The following DAB1 variants were observed in gnomAD, a reference collection of about 807,000 sequenced individuals.
DAB1 encodes disabled homolog 1.
A neutral mutation model predicts 64.6 loss-of-function variants in DAB1; 15 were observed. The ratio of observed to expected loss-of-function variants is 0.23; its 90% confidence interval spans 0.16 to 0.36. The LOEUF is 0.36. Among genes scored for constraint, DAB1 ranks in the 10% least tolerant of loss-of-function variants. The probability of loss-of-function intolerance (pLI) is 1.00; values close to 1 mark genes in which losing one functional copy is unlikely to be tolerated. For synonymous variants in DAB1, 235 were observed against 251.9 expected (o/e 0.93, Z 0.64); for missense variants, 596 against 706.7 (o/e 0.84, Z 1.78).
chr1:57,309,898 G>C (rs1473112622), intron 1 of DAB1, among the ~76,000 whole-genome samples: 1 of 152,170 alleles, frequency 6.6e-6, no homozygotes, highest in Non-Finnish European at 1.5e-5. Flanking sequence ...AGAAGGAGTT[G>C]GGCAAGGAGC....
At chr1:57,023,717 A>C in intron 10 of DAB1, 78 bp from the exon 11 acceptor site, 1 of 913,440 alleles carries the variant, frequency 1.1e-6, no homozygotes, top group South Asian at 1.4e-5. Flanking sequence ...CAGATGCAGG[A>C]ATTAAGGCGC....
chr1:58,375,834 C>G (rs996604143), intron 3 of DAB1, among the ~76,000 whole-genome samples: 24 of 146,204 alleles, frequency 1.6e-4, no homozygotes, highest in Non-Finnish European at 1.4e-4. Flanking sequence ...GGTTGGTAAA[C>G]TATTGATTAT....
At chr1:58,389,028 G>A (rs966481113) in intron 3 of DAB1, among the ~76,000 whole-genome samples, 4 of 152,228 alleles carry the variant, frequency 2.6e-5, no homozygotes, top group African/African-American at 9.6e-5. Context: ...GCTTTCAGTA[G>A]GGGCAGAGGA....
chr1:58,119,913 A>G (rs1017066394), intron 5 of DAB1, among the ~76,000 whole-genome samples: 4 of 152,202 alleles, frequency 2.6e-5, no homozygotes, highest in Non-Finnish European at 4.4e-5. Context: ...ACACAGAGCT[A>G]GCTGCTCCCC....
chr1:57,163,880 A>AGG (rs1455588035), intron 2 of DAB1, among the ~76,000 whole-genome samples: 36 of 152,286 alleles, frequency 2.4e-4, no homozygotes, highest in Non-Finnish European at 4.7e-4. Flanking sequence ...AGCCAAGAGA[A>AGG]CCTGGTGCCT....
chr1:57,790,872 T>A (rs35738462), intron 6 of DAB1, among the ~76,000 whole-genome samples: 10 of 151,928 alleles, frequency 6.6e-5, no homozygotes, highest in Admixed American at 2.0e-4. Flanking sequence ...GGTGCATTAC[T>A]ACACACACAC....
intron 1 of DAB1, among the ~76,000 whole-genome samples, chr1:57,421,902 C>CGGGGGGGGGGG (rs1309675216): frequency 8.5e-5 from 1 of 11,718 alleles, no homozygotes; most frequent in Non-Finnish European, 1.7e-4. Context: ...TGGGGGGTGG[C>CGGGGGGGGGGG]GGGGGGGGGG....
chr1:57,128,317 C>T (rs990100598), intron 4 of DAB1, among the ~76,000 whole-genome samples: 2 of 152,028 alleles, frequency 1.3e-5, no homozygotes, highest in African/African-American at 4.8e-5. Flanking sequence ...CATAGCTTTT[C>T]ACCTAGTCTT....
Position 58,129,201 on chromosome 1 carries a change from C to G in DAB1, n.387+21310G>C, listed in dbSNP as rs1369237941. On this transcript the variant is annotated intron_variant and non_coding_transcript_variant, in intron 5 of 20. Coordinates refer to the DAB1 transcript ENST00000485760. ...TTAGTCTTGGGAGACTGTATGTGTC[C>G]AGGAATTTATCCATTTCTTCTAGAT... Among the ~76,000 whole-genome samples the G allele has an allele frequency of 1.1e-4, 16 of 151,534 alleles. No homozygotes were observed. The East Asian group carries it at 2.8e-3, about 26-fold the overall frequency.
chr1:58,526,923 G>T (rs1243627680), intron 2 of DAB1, among the ~76,000 whole-genome samples: 1 of 152,100 alleles, frequency 6.6e-6, no homozygotes, highest in African/African-American at 2.4e-5. Context: ...ATTTCAATTT[G>T]TATGTTTCAT....
chr1:57,871,763 T>G (rs1643954192), intron 1 of DAB1, among the ~76,000 whole-genome samples: 1 of 152,222 alleles, frequency 6.6e-6, no homozygotes, highest in Admixed American at 6.5e-5. Context: ...AGAATCCTTC[T>G]GTGGTTTCCT....
intron 5 of DAB1, among the ~76,000 whole-genome samples, chr1:57,983,328 G>C (rs146995094): frequency 3.9e-5 from 6 of 152,162 alleles, no homozygotes; most frequent in African/African-American, 1.4e-4. Context: ...AACCAGAAAG[G>C]GTCTCTTCCC....
chr1:58,050,415 TG>T (rs1647564050), intron 5 of DAB1, among the ~76,000 whole-genome samples: 1 of 152,158 alleles, frequency 6.6e-6, no homozygotes, highest in Admixed American at 6.5e-5. Flanking sequence ...AGGTGAAATA[TG>T]ATGGGATTTT....
intron 7 of DAB1, among the ~76,000 whole-genome samples, chr1:57,525,311 C>A (rs890699059): frequency 3.3e-5 from 5 of 151,830 alleles, no homozygotes; most frequent in African/African-American, 1.2e-4. Context: ...GGAGTGAGAT[C>A]ATCAGAAACA....
intron 4 of DAB1, among the ~76,000 whole-genome samples, chr1:57,108,075 G>A (rs1445749672): frequency 6.6e-6 from 1 of 152,042 alleles, no homozygotes; most frequent in Non-Finnish European, 1.5e-5. Context: ...CTTTTTTCCT[G>A]TATCTTTCTG....
intron 7 of DAB1, among the ~76,000 whole-genome samples, chr1:57,635,831 C>T (rs1646045922): frequency 6.6e-6 from 1 of 151,828 alleles, no homozygotes; most frequent in African/African-American, 2.4e-5. Flanking sequence ...TGCGGTGGCT[C>T]ACGCCTGTAA....
intron 4 of DAB1, among the ~76,000 whole-genome samples, chr1:58,197,141 T>C (rs1488298447): frequency 2.0e-5 from 3 of 152,176 alleles, no homozygotes; most frequent in Admixed American, 6.5e-5. Context: ...CCCTGAATTA[T>C]AACGTGGAGC....
At chr1:58,351,293 C>T (rs1027541993) in intron 3 of DAB1, among the ~76,000 whole-genome samples, 12 of 152,082 alleles carry the variant, frequency 7.9e-5, no homozygotes, top group Non-Finnish European at 5.9e-5. Flanking sequence ...CTCATAAACC[C>T]ATGCATGGTT....
intron 7 of DAB1, among the ~76,000 whole-genome samples, chr1:57,589,654 G>A (rs1645420745): frequency 6.6e-6 from 1 of 152,080 alleles, no homozygotes; most frequent in African/African-American, 2.4e-5. Context: ...CTACTCAGGA[G>A]GCTGAGGCAA....
Sources: gnomAD v4.1 joint callset for allele counts (sites outside exome capture counted in the v4.1 genomes callset) on GRCh38, gnomAD v4.1.1 for gene constraint, MANE v1.5 for transcripts, NCBI Gene and HGNC (gene_info 2026-07-23, HGNC 2026-07-21) for gene names.